The following TOM1L2 variants were observed in gnomAD, a reference collection of about 807,000 sequenced individuals.
The protein encoded by TOM1L2 is TOM1-like protein 2.
TOM1L2 carries 31 observed loss-of-function variants against 67.9 expected under a neutral mutation model. The ratio of observed to expected loss-of-function variants is 0.46; its 90% CI spans 0.34 to 0.62. TOM1L2 has a LOEUF of 0.62. TOM1L2 is among the 20% of genes least tolerant of loss of function. The pLI is 0.01. For synonymous variants in TOM1L2, 256 were observed against 254.0 expected, an observed-to-expected ratio of 1.01 and a Z score of -0.07; for missense variants, 606 against 663.5, an observed-to-expected ratio of 0.91 and a Z score of 0.95.
At chr17:17,951,127 T>G (rs1033945435) in intron 1 of TOM1L2, among the ~76,000 whole-genome samples, 15 of 152,146 alleles carry the variant, frequency 9.9e-5, no homozygotes, top group Admixed American at 8.5e-4. Context: ...GAGAGGCTTC[T>G]GGGATGTCAA....
At chr17:17,938,332 T>C (rs2144761573) in intron 1 of TOM1L2, among the ~76,000 whole-genome samples, 1 of 152,328 alleles carries the variant, frequency 6.6e-6, no homozygotes, top group East Asian at 1.9e-4. Flanking sequence ...CCTAAGACCT[T>C]GCCCTCAGCA....
At chr17:17,940,130 T>A (rs2040670368) in intron 1 of TOM1L2, among the ~76,000 whole-genome samples, 1 of 137,656 alleles carries the variant, frequency 7.3e-6, no homozygotes, top group Non-Finnish European at 1.5e-5. Context: ...GAGGCGGAGG[T>A]CGCAGTGAGC....
In TOM1L2 at chr17:17,882,756, C is replaced by T. The variant is rs143069395; in HGVS notation, c.609G>A (p.Pro203=). ...SSPPPAPYSA[P]QAPALSVTGP... ...CAGTCACACTCAGAGCTGGGGCCTGCGGTGCGGAGTAGGGAGCAGGAGGCG... is the reference window on the plus strand; with the variant it reads ...CAGTCACACTCAGAGCTGGGGCCTGTGGTGCGGAGTAGGGAGCAGGAGGCG... Residue 203 remains proline, a synonymous_variant, in exon 6 of 15, where the codon CCG becomes CCA. Transcript: ENST00000379504. 1.4e-3 allele frequency: 2,312 copies of T among 1,614,176 alleles called. No individual in the cohort carries two copies. Among genetic ancestry groups the T allele is most frequent in the Non-Finnish European group, 1.8e-3 (2,095 of 1,180,026 alleles).
intron 1 of TOM1L2, among the ~76,000 whole-genome samples, chr17:17,917,263 C>CA (rs2039664758): frequency 6.6e-6 from 1 of 151,824 alleles, no homozygotes; most frequent in Admixed American, 6.6e-5. Flanking sequence ...ACCTGGGAGG[C>CA]AGAGGTTGCA....
At chr17:17,891,599 G>T (rs934435206) in intron 4 of TOM1L2, among the ~76,000 whole-genome samples, 2 of 152,278 alleles carry the variant, frequency 1.3e-5, no homozygotes, top group African/African-American at 4.8e-5. Context: ...CACCCTGCTG[G>T]GCCCGCCACC....
chr17:17,882,399 G>C (rs1347962404), intron 6 of TOM1L2, among the ~76,000 whole-genome samples: 1 of 152,220 alleles, frequency 6.6e-6, no homozygotes, highest in African/African-American at 2.4e-5. Context: ...TGAGCATGCG[G>C]TCTCACCTGA....
chr17:17,857,777 G>A, intron 12 of TOM1L2: 5 of 1,535,602 alleles, frequency 3.3e-6, no homozygotes, highest in Non-Finnish European at 4.4e-6. Context: ...ACCATTCCTT[G>A]GGTTATAAGC....
Position 17,848,714 on chromosome 17 carries a change from A to G in TOM1L2, c.1375+109T>C. The G allele has an allele frequency of 4.8e-6, 6 of 1,257,154 alleles. No homozygotes were observed. The South Asian group carries it at 7.4e-5, about 15-fold the overall frequency. 77.9% of individuals were successfully genotyped at this position (1,257,154 alleles called of 1,614,324 possible). ...TGAAGCCCATGGCTCAGGGCCTGGC[A>G]CCAGTAGGTGCTCTGGCAGCGGGGG... is the stretch of plus-strand genomic sequence containing the variant. On this transcript the variant is annotated intron_variant, in intron 14 of 14. Coordinates refer to ENST00000379504, the MANE Select transcript of TOM1L2 (RefSeq NM_001082968.2).
At chr17:17,912,898 T>G (rs534055320) in intron 1 of TOM1L2, among the ~76,000 whole-genome samples, 1 of 152,310 alleles carries the variant, frequency 6.6e-6, no homozygotes, top group Admixed American at 6.5e-5. Flanking sequence ...GGGGCACCAC[T>G]GAGCACTGAG....
rs190510444 is a variant in TOM1L2 at position 17,915,481 on chromosome 17, G to A, written c.53-7950C>T. On this transcript the variant is annotated intron_variant, in intron 1 of 14. Coordinates refer to ENST00000379504, the MANE Select transcript of TOM1L2 (RefSeq NM_001082968.2). ...TGGCCATTTGTATATCTTCTTTGGA[G>A]ACATATCTATTCAATTTTTTTGGCC... Among the ~76,000 whole-genome samples the A allele has an allele frequency of 9.2e-5, 14 of 152,140 alleles. No homozygotes were observed. In the East Asian group the frequency reaches 2.7e-3, roughly 29 times the overall value.
chr17:17,863,807 C>T (rs1000096832), intron 10 of TOM1L2, among the ~76,000 whole-genome samples: 1 of 151,924 alleles, frequency 6.6e-6, no homozygotes, highest in African/African-American at 2.4e-5. Context: ...CCTCGGCCTC[C>T]CAAAGTGATG....
chr17:17,928,452 A>G (rs1383047362), intron 1 of TOM1L2, among the ~76,000 whole-genome samples: 1 of 152,276 alleles, frequency 6.6e-6, no homozygotes. Flanking sequence ...TTATGTGCAT[A>G]CTAATCACCA....
At chr17:17,893,957 C>G in intron 3 of TOM1L2, 147 bp from the exon 4 acceptor site, 1 of 722,734 alleles carries the variant, frequency 1.4e-6, no homozygotes, top group Non-Finnish European at 2.2e-6. Context: ...GCCAAACCTG[C>G]ATGGCACACG....
At chr17:17,920,025 AGG>A in intron 1 of TOM1L2, among the ~76,000 whole-genome samples, 1 of 152,090 alleles carries the variant, frequency 6.6e-6, no homozygotes, top group East Asian at 1.9e-4. Context: ...CCTCAGGTAG[AGG>A]GTCACAGAGG....
At chr17:17,873,962 T>TA (rs1335489967) in intron 7 of TOM1L2, among the ~76,000 whole-genome samples, 1 of 152,024 alleles carries the variant, frequency 6.6e-6, no homozygotes, top group African/African-American at 2.4e-5. Context: ...TTACTTATTT[T>TA]TTTTTTTTTT....
Position 17,949,587 on chromosome 17 carries a change from T to C in TOM1L2, c.52+22675A>G, listed in dbSNP as rs530855425. Among the ~76,000 whole-genome samples, 3 of 152,306 alleles carry C rather than the reference T, an allele frequency of 2.0e-5. No individual in the cohort carries two copies. In the East Asian group the frequency reaches 5.8e-4, roughly 29 times the overall value. ...AGTGGCTCTCTGGTCAGAGGACATA[T>C]CTCAGTAAGTGTGGCATCCAAGCCT... On this transcript the variant is annotated intron_variant, in intron 1 of 14. Coordinates refer to ENST00000379504, the MANE Select transcript of TOM1L2 (RefSeq NM_001082968.2).
At chr17:17,869,607 G>A in intron 7 of TOM1L2, 134 bp from the exon 8 acceptor site, 1 of 1,410,892 alleles carries the variant, frequency 7.1e-7, no homozygotes, top group Non-Finnish European at 9.2e-7. Flanking sequence ...CCAGACATGT[G>A]CCGAATTCAA....
intron 1 of TOM1L2, among the ~76,000 whole-genome samples, chr17:17,932,316 G>T (rs2040367612): frequency 6.6e-6 from 1 of 151,984 alleles, no homozygotes; most frequent in African/African-American, 2.4e-5. Flanking sequence ...TTTTTGTAGA[G>T]ACAGAGTCTT....
At position 17,844,468 on chromosome 17, in the gene TOM1L2, C is replaced by A. The variant is rs1253605153; in HGVS notation, c.*3167G>T. 1 of 152,308 alleles carries A rather than the reference C, an allele frequency of 6.6e-6. No individual in the cohort carries two copies. The highest frequency in any genetic ancestry group is 1.5e-5 in the Non-Finnish European group (1 of 68,096). 9.4% of individuals were successfully genotyped at this position (152,308 alleles called of 1,614,324 possible). A position where few individuals can be genotyped will look rare whatever the true frequency, so the allele number is the denominator to read the frequency against. ...GGGGAAGGCTAGTGAACCAAGGCAC[C>A]ATCACTCACATGGAGGCGCTAATAG... is the stretch of plus-strand genomic sequence containing the variant. On this transcript the variant is annotated 3_prime_UTR_variant, in exon 15 of 15. Transcript: ENST00000379504.
Sources: allele counts gnomAD v4.1 joint callset (sites outside exome capture counted in the v4.1 genomes callset), GRCh38; gene constraint gnomAD v4.1.1; transcripts MANE v1.5; gene names NCBI Gene and HGNC (gene_info 2026-07-23, HGNC 2026-07-21).